The following NLRC5 variants were observed in gnomAD, a reference collection of about 807,000 sequenced individuals.
The protein encoded by NLRC5 is NLR family CARD domain containing 5.
NLRC5 carries 114 observed loss-of-function variants against 206.9 expected under a neutral mutation model. The ratio of observed to expected loss-of-function variants is 0.55; its 90% confidence interval spans 0.47 to 0.64. The LOEUF is 0.64. NLRC5 is among the 30% of genes least tolerant of loss of function. The pLI is 0.00. For synonymous variants in NLRC5, 952 were observed against 962.8 expected, an observed-to-expected ratio of 0.99 and a Z score of 0.21; for missense variants, 2,008 against 2,305.5, an observed-to-expected ratio of 0.87 and a Z score of 2.64.
rs548428281 is a variant in NLRC5 at position 57,002,301 on chromosome 16, C to A, written c.-128+12684C>A. Reference sequence around the variant, plus strand: ...TAGCTGGGATTACAGGCATGCCCCACCATGCCCTGTTAATTTTTGTACTTT... The same window carrying A: ...TAGCTGGGATTACAGGCATGCCCCAACATGCCCTGTTAATTTTTGTACTTT... On this transcript the variant is annotated intron_variant, in intron 1 of 48. Transcript: ENST00000688547. 1.1e-3 allele frequency among the ~76,000 whole-genome samples: 164 copies of A among 152,260 alleles called. 6 individuals are homozygous for A. The South Asian group carries it at 0.034, about 31-fold the overall frequency.
rs1284843244 is a variant in NLRC5, at chr16:57,074,586, C to G, written c.4668-14C>G. On this transcript the variant is annotated splice_polypyrimidine_tract_variant and intron_variant, in intron 38 of 48. Transcript: ENST00000688547. ...CCCCCAGATGTCAAGTTCACCTGGC[C>G]TCCTCTTCTCCAGCCTCAGTCACCT... 6.2e-7 allele frequency: 1 copy of G among 1,613,346 alleles called. No homozygotes were observed. The highest frequency in any genetic ancestry group is 1.7e-5 in the Admixed American group (1 of 59,998).
At chr16:57,073,174 C>A (rs191572495) in intron 38 of NLRC5, among the ~76,000 whole-genome samples, 54 of 152,198 alleles carry the variant, frequency 3.5e-4, no homozygotes, top group African/African-American at 1.2e-3. Context: ...CCCCTGGGGG[C>A]CTTTTTCTTC....
rs74021932 is a variant in NLRC5 at position 57,081,005 on chromosome 16, G to A, written c.5322-93G>A. 3.8e-3 allele frequency: 4,465 copies of A among 1,162,792 alleles called. 127 individuals carry two copies. The African/African-American group carries it at 0.059, about 15-fold the overall frequency. The allele number at this position is 1,162,792 out of a possible 1,614,324, so 72.0% of individuals were successfully genotyped here. ...CTCTCTTGAAAACCCTTGCCCCCAC[G>A]ACTGGCACCCTGCTTTCCCCATTCA... On this transcript the variant is annotated intron_variant, in intron 46 of 48. Coordinates refer to ENST00000688547, the MANE Select transcript of NLRC5 (RefSeq NM_001384950.1).
intron 1 of NLRC5, among the ~76,000 whole-genome samples, chr16:57,007,423 A>G (rs1462405836): frequency 6.6e-6 from 1 of 152,132 alleles, no homozygotes; most frequent in African/African-American, 2.4e-5. Context: ...ATCTTTTCAT[A>G]TATTTAAAAG....
At chr16:57,013,896 A>G in intron 1 of NLRC5, 1 of 557,044 alleles carries the variant, frequency 1.8e-6, no homozygotes, top group Non-Finnish European at 3.3e-6. Flanking sequence ...TCATATGCAG[A>G]TTCTACAAAA....
At chr16:57,059,114 C>T (rs2066071523) in intron 29 of NLRC5, 53 bp downstream of exon 29, 1 of 1,612,422 alleles carries the variant, frequency 6.2e-7, no homozygotes, top group Non-Finnish European at 8.5e-7. Flanking sequence ...AACAGGTGCC[C>T]CTGGCTGATG....
In NLRC5 at chr16:56,990,841, T is replaced by A. The variant is rs905435380; in HGVS notation, c.-128+1224T>A. The A allele has an allele frequency of 3.9e-5, 6 of 152,122 alleles. No individual in the cohort carries two copies. The South Asian group carries it at 1.2e-3, about 32-fold the overall frequency. The allele number at this position is 152,122 out of a possible 1,614,324, so 9.4% of individuals were successfully genotyped here. On this transcript the variant is annotated intron_variant, in intron 1 of 48. Transcript: ENST00000688547. Reference sequence around the variant, plus strand: ...ATGTATCTGATGCTTTTCAGGTGTATCTAGACTCCCATCCAGCGTGCTTTC... The same window carrying A: ...ATGTATCTGATGCTTTTCAGGTGTAACTAGACTCCCATCCAGCGTGCTTTC...
At chr16:57,032,731 C>T (rs2062022073) in intron 11 of NLRC5, among the ~76,000 whole-genome samples, 1 of 150,836 alleles carries the variant, frequency 6.6e-6, no homozygotes, top group African/African-American at 2.4e-5. Flanking sequence ...CATGGTGGCT[C>T]ATGTCTGTAA....
chr16:57,075,315 G>A (rs942204697), intron 39 of NLRC5, among the ~76,000 whole-genome samples: 1 of 152,070 alleles, frequency 6.6e-6, no homozygotes, highest in African/African-American at 2.4e-5. Context: ...CGCCTCCCGG[G>A]TTCAAGCGAT....
intron 1 of NLRC5, among the ~76,000 whole-genome samples, chr16:57,002,590 A>G (rs564546710): frequency 1.3e-5 from 2 of 151,684 alleles, no homozygotes; most frequent in South Asian, 4.2e-4. Context: ...GTATATACCT[A>G]GCAGTGGGAT....
At chr16:57,060,520 C>T (rs2066320629) in intron 30 of NLRC5, among the ~76,000 whole-genome samples, 1 of 151,608 alleles carries the variant, frequency 6.6e-6, no homozygotes, top group South Asian at 2.1e-4. Context: ...CATACACACA[C>T]ATACACCACA....
At chr16:57,023,142 A>G (rs2060859901) in intron 4 of NLRC5, among the ~76,000 whole-genome samples, 2 of 152,212 alleles carry the variant, frequency 1.3e-5, no homozygotes, top group Admixed American at 1.3e-4. Context: ...GCTTAGCTGT[A>G]GGAGGACCCT....
chr16:57,072,904 C>G (rs541438190), intron 38 of NLRC5, among the ~76,000 whole-genome samples: 1 of 152,198 alleles, frequency 6.6e-6, no homozygotes, highest in Non-Finnish European at 1.5e-5. Flanking sequence ...CCGCTTGTCC[C>G]TCTTTGCTTG....
intron 28 of NLRC5, 88 bp downstream of exon 28, chr16:57,058,236 C>A: frequency 9.2e-7 from 1 of 1,089,096 alleles, no homozygotes; most frequent in Non-Finnish European, 1.4e-6. Context: ...CTGAGGGCAT[C>A]CCCCAGAGCA....
chr16:57,065,457 T>C (rs2066981249), intron 33 of NLRC5, among the ~76,000 whole-genome samples, 159 bp downstream of exon 33: 1 of 152,218 alleles, frequency 6.6e-6, no homozygotes, highest in Non-Finnish European at 1.5e-5. Context: ...TGTGAGGGGC[T>C]ACACATTTGT....
chr16:57,010,951 G>C (rs1234099990), intron 1 of NLRC5, among the ~76,000 whole-genome samples: 8 of 151,826 alleles, frequency 5.3e-5, no homozygotes, highest in African/African-American at 1.9e-4. Context: ...TGGTTCAAAG[G>C]GTCCTAAAAA....
At chr16:57,065,152 T>G in intron 32 of NLRC5, 60 bp from the exon 33 acceptor site, 1 of 1,192,002 alleles carries the variant, frequency 8.4e-7, no homozygotes, top group Non-Finnish European at 1.1e-6. Flanking sequence ...CCCCGTCATG[T>G]GTGCTGATTG....
intron 5 of NLRC5, 61 bp downstream of exon 5, chr16:57,023,914 C>T (rs532239425): frequency 3.4e-6 from 5 of 1,475,858 alleles, no homozygotes; most frequent in Admixed American, 1.9e-5. Flanking sequence ...GGGCCAAGAC[C>T]CGGACCCTGG....
At chr16:57,072,873 C>T (rs1412159306) in intron 38 of NLRC5, among the ~76,000 whole-genome samples, 1 of 152,022 alleles carries the variant, frequency 6.6e-6, no homozygotes, top group African/African-American at 2.4e-5. Flanking sequence ...TGACTTTTTG[C>T]CCCTTAACAT....
Sources: gnomAD v4.1 joint callset for allele counts (sites outside exome capture counted in the v4.1 genomes callset) on GRCh38, gnomAD v4.1.1 for gene constraint, MANE v1.5 for transcripts, NCBI Gene and HGNC (gene_info 2026-07-23, HGNC 2026-07-21) for gene names.